Variants in NBPF26 observed in about 807,000 individuals in gnomAD.
The protein encoded by NBPF26 is NBPF family member NBPF26.
NBPF26 carries 79 observed loss-of-function variants against 119.6 expected under a neutral mutation model. The ratio of observed to expected loss-of-function variants is 0.66; its 90% CI spans 0.55 to 0.80. The LOEUF (loss-of-function observed/expected upper bound fraction) is 0.80, where lower values mean the gene tolerates loss of function less well. Among genes scored for constraint, NBPF26 ranks in the 30% least tolerant of loss-of-function variants. The pLI, the probability that NBPF26 is intolerant of heterozygous loss-of-function variation, is 0.00. For missense variants in NBPF26, 800 were observed against 1,198.2 expected (o/e 0.67, Z 4.91); for synonymous variants, 299 against 457.7 (o/e 0.65, Z 4.43).
chr1:120,814,034 T>C, intron 11 of NBPF26, 41 bp downstream of exon 11: 1 of 1,494,938 alleles, frequency 6.7e-7, no homozygotes, highest in South Asian at 1.1e-5. Context: ...GGCAGGTGTG[T>C]AAATCTCTGA....
chr1:120,806,257 G>A lies in NBPF26; in HGVS notation c.961+492G>A, dbSNP rs1432179867. Among the ~76,000 whole-genome samples the A allele has an allele frequency of 1.6e-5, 2 of 122,538 alleles. 1 individual carries two copies. Among genetic ancestry groups the A allele is most frequent in the Non-Finnish European group, 3.3e-5 (2 of 60,524 alleles). The allele number at this position is 122,538 out of a possible 152,430, so 80.4% of individuals were successfully genotyped here. On this transcript the variant is annotated intron_variant, in intron 5 of 29. Transcript: ENST00000620612. ...TTCTGAGGGGCTTCAAGGGGAGTCT[G>A]CTCCTAATAGAACCTGTGCTATCTA...
At chr1:120,812,978 A>G (rs1343006172) in intron 10 of NBPF26, among the ~76,000 whole-genome samples, 4 of 119,216 alleles carry the variant, frequency 3.4e-5, no homozygotes, top group Non-Finnish European at 4.9e-5. Context: ...AAGAATAAAA[A>G]GCAGAGAGTA....
intron 10 of NBPF26, among the ~76,000 whole-genome samples, chr1:120,813,564 G>T (rs1651929534): frequency 7.8e-6 from 1 of 128,006 alleles, no homozygotes; most frequent in Non-Finnish European, 1.6e-5. Context: ...TGTTTTAGAG[G>T]AGAGGCTGCA....
Position 120,805,129 on chromosome 1 carries a change from C to A in NBPF26, c.752-427C>A, listed in dbSNP as rs1383890358. Among the ~76,000 whole-genome samples, 27 of 125,542 alleles carry A rather than the reference C, an allele frequency of 2.2e-4. 6 individuals carry two copies. Among genetic ancestry groups the A allele is most frequent in the South Asian group, 9.5e-4 (4 of 4,190 alleles). 82.4% of individuals were successfully genotyped at this position (125,542 alleles called of 152,430 possible). ...AGACACGGGTCTGTGGCATTGTCAA[C>A]AAGGGTACACGAATACTGAGAGTGA... On this transcript the variant is annotated intron_variant, in intron 4 of 29. Transcript: ENST00000620612.
Position 120,823,771 on chromosome 1 carries a change from T to C in NBPF26, c.2640-203T>C, listed in dbSNP as rs1553272359. Among the ~76,000 whole-genome samples the C allele has an allele frequency of 2.7e-5, 3 of 112,978 alleles. 1 individual carries two copies. Among genetic ancestry groups the C allele is most frequent in the Non-Finnish European group, 5.2e-5 (3 of 58,070 alleles). The allele number at this position is 112,978 out of a possible 152,430, so 74.1% of individuals were successfully genotyped here. A position where few individuals can be genotyped will look rare whatever the true frequency, so the allele number is the denominator to read the frequency against. Reference sequence around the variant, plus strand: ...CTCGCTCTGTGTGTGTGTGTGTGTGTGTGTGTGTGTGTGTGTGTGTCTTTC... The same window carrying C: ...CTCGCTCTGTGTGTGTGTGTGTGTGCGTGTGTGTGTGTGTGTGTGTCTTTC... On this transcript the variant is annotated intron_variant, in intron 17 of 29. Coordinates refer to ENST00000620612, the Ensembl canonical transcript of NBPF26.
chr1:120,790,798 C>T (rs1651484620), intron 3 of NBPF26, among the ~76,000 whole-genome samples: 2 of 105,428 alleles, frequency 1.9e-5, no homozygotes, highest in African/African-American at 6.1e-5. Context: ...TGGCGTTTCA[C>T]CATGTTGGCC....
intron 2 of NBPF26, among the ~76,000 whole-genome samples, chr1:120,770,731 T>C (rs1651254342): frequency 8.4e-6 from 1 of 119,252 alleles, no homozygotes; most frequent in Non-Finnish European, 1.6e-5. Context: ...AAATGTACTG[T>C]CACCTTGAGT....
chr1:120,812,921 AAAT>A lies in NBPF26; in HGVS notation c.1774+862_1774+864del, dbSNP rs1209954653. On this transcript the variant is annotated intron_variant, in intron 10 of 29. Transcript: ENST00000620612. The stretch of plus-strand genomic sequence containing the variant: ...CTGGGCGACAGGGCAAGACTGCTAA[AAAT>A]AATAATAATAATAATAATAATAATA... Among the ~76,000 whole-genome samples, 755 of 111,332 alleles carry A rather than the reference AAAT, an allele frequency of 6.8e-3. 51 individuals carry two copies. The highest frequency in any genetic ancestry group is 0.024 in the African/African-American group (466 of 19,732). The allele number at this position is 111,332 out of a possible 152,430, so 73.0% of individuals were successfully genotyped here.
At chr1:120,764,305 G>T (rs1214849712) in intron 2 of NBPF26, among the ~76,000 whole-genome samples, 1 of 105,338 alleles carries the variant, frequency 9.5e-6, no homozygotes, top group Non-Finnish European at 1.8e-5. Flanking sequence ...GTGTTTTTCA[G>T]ATTAAGGCAT....
chr1:120,807,702 G>C, exon 6 of NBPF26: 1 of 1,356,318 alleles, frequency 7.4e-7, no homozygotes. Context: ...GCAAGCTGAG[G>C]AGCTCAGGTG....
In NBPF26 at chr1:120,784,283, T is replaced by G; in HGVS notation, c.156-691T>G. 1.7e-5 allele frequency among the ~76,000 whole-genome samples: 2 copies of G among 117,370 alleles called. 1 individual carries two copies. The highest frequency in any genetic ancestry group is 3.3e-5 in the Non-Finnish European group (2 of 61,026). The allele number at this position is 117,370 out of a possible 152,430, so 77.0% of individuals were successfully genotyped here. On this transcript the variant is annotated intron_variant, in intron 2 of 29. Transcript: ENST00000620612. ...GTTCTGTACACCGGCTTTAGGAGAG[T>G]AAGTCTGTTGTACCTCATATGTAAG...
At chr1:120,784,909 T>C (rs1651404182) in intron 2 of NBPF26, 65 bp from the exon 3 acceptor site, 1 of 1,010,732 alleles carries the variant, frequency 9.9e-7, no homozygotes. Context: ...TGTATTGTTT[T>C]ACTGTAATTT....
In NBPF26 at chr1:120,779,443, G is replaced by A. The variant is rs1333522804; in HGVS notation, c.156-5531G>A. 2.6e-4 allele frequency among the ~76,000 whole-genome samples: 30 copies of A among 114,394 alleles called. 4 individuals are homozygous for A. The highest frequency in any genetic ancestry group is 4.3e-4 in the Non-Finnish European group (25 of 57,770). 75.0% of individuals were successfully genotyped at this position (114,394 alleles called of 152,430 possible). A position where few individuals can be genotyped will look rare whatever the true frequency, so the allele number is the denominator to read the frequency against. On this transcript the variant is annotated intron_variant, in intron 2 of 29. Transcript: ENST00000620612. Reference sequence around the variant, plus strand: ...TCTCTGTATTCACAACCTCATCTGCGAAGTATGTTCTTTCAGAGTTCAATG... The same window carrying A: ...TCTCTGTATTCACAACCTCATCTGCAAAGTATGTTCTTTCAGAGTTCAATG...
intron 9 of NBPF26, among the ~76,000 whole-genome samples, chr1:120,810,768 A>G (rs2101506583): frequency 9.0e-6 from 1 of 111,446 alleles, no homozygotes; most frequent in East Asian, 2.1e-4. Flanking sequence ...AGCCTACACA[A>G]TATGGTGAAA....
At chr1:120,742,312 CGTGTGTGTGTGT>C (rs1209103933) in intron 1 of NBPF26, among the ~76,000 whole-genome samples, 2 of 27,870 alleles carry the variant, frequency 7.2e-5, no homozygotes, top group African/African-American at 5.5e-4. Context: ...TGTGTGTGTG[CGTGTGTGTGTGT>C]GTGTGTGTGT....
intron 2 of NBPF26, among the ~76,000 whole-genome samples, chr1:120,781,817 C>G (rs1196476712): frequency 3.4e-5 from 4 of 117,458 alleles, no homozygotes; most frequent in Admixed American, 1.6e-4. Flanking sequence ...CTCGGCCTCC[C>G]AAAGTGCTGA....
In NBPF26 at chr1:120,723,997, G is replaced by A; in HGVS notation, c.-181G>A. On this transcript the variant is annotated 5_prime_UTR_variant, in exon 1 of 30. Coordinates refer to ENST00000620612, the Ensembl canonical transcript of NBPF26. The stretch of plus-strand genomic sequence containing the variant: ...GGCGGCCGAGGAGCGGCGGACTCGG[G>A]GCGCGGGGAGTCGAGGCATTTGCAC... 8.2e-6 allele frequency: 10 copies of A among 1,216,738 alleles called. 3 individuals are homozygous for A. The South Asian group carries it at 1.4e-4, about 17-fold the overall frequency. The allele number at this position is 1,216,738 out of a possible 1,614,324, so 75.4% of individuals were successfully genotyped here. A position where few individuals can be genotyped will look rare whatever the true frequency, so the allele number is the denominator to read the frequency against.
At position 120,823,660 on chromosome 1, in the gene NBPF26, T is replaced by C. The variant is rs1165760613; in HGVS notation, c.2639+300T>C. 2.4e-5 allele frequency among the ~76,000 whole-genome samples: 3 copies of C among 124,342 alleles called. 1 individual carries two copies. Among genetic ancestry groups the C allele is most frequent in the African/African-American group, 1.1e-4 (3 of 26,102 alleles). The allele number at this position is 124,342 out of a possible 152,430, so 81.6% of individuals were successfully genotyped here. ...ATTATTGAGGACATGCTTTTCATGA[T>C]CACTGTTCACTGTGTGTCCTGAGAG... On this transcript the variant is annotated intron_variant, in intron 17 of 29. Coordinates refer to ENST00000620612, the Ensembl canonical transcript of NBPF26.
chr1:120,822,071 C>A (rs1652129682), intron 15 of NBPF26, 33 bp from the exon 16 acceptor site: 2 of 1,448,166 alleles, frequency 1.4e-6, no homozygotes, highest in African/African-American at 2.5e-5. Flanking sequence ...TTGGTTAAAT[C>A]TTCTGTCATC....
Sources: gnomAD v4.1 joint callset for allele counts (sites outside exome capture counted in the v4.1 genomes callset) on GRCh38, gnomAD v4.1.1 for gene constraint, MANE v1.5 for transcripts, NCBI Gene and HGNC (gene_info 2026-07-23, HGNC 2026-07-21) for gene names.